CDYL2: variants seen among roughly 807,000 people sequenced by gnomAD.
CDYL2 encodes the protein chromodomain Y like 2, also known as chromodomain Y-like protein 2.
CDYL2 carries 23 observed loss-of-function variants against 49.4 expected under a neutral mutation model. That is an observed-to-expected ratio of 0.47 (90% CI 0.34 to 0.66). The LOEUF is 0.66. Ranked by LOEUF, CDYL2 falls within the 30% of genes least tolerant of loss-of-function variation. The probability of loss-of-function intolerance (pLI) is 0.01; values close to 1 mark genes in which losing one functional copy is unlikely to be tolerated. For missense variants in CDYL2, 678 were observed against 656.4 expected (o/e 1.03, Z -0.36); for synonymous variants, 360 against 268.8 (o/e 1.34, Z -3.32).
At chr16:80,659,958 G>C (rs1480172770) in intron 2 of CDYL2, among the ~76,000 whole-genome samples, 1 of 151,724 alleles carries the variant, frequency 6.6e-6, no homozygotes, top group Non-Finnish European at 1.5e-5. Context: ...TTAAAAAAAA[G>C]CATAGACAGA....
chr16:80,734,861 C>A (rs899435830), intron 1 of CDYL2, among the ~76,000 whole-genome samples: 3 of 152,130 alleles, frequency 2.0e-5, no homozygotes, highest in African/African-American at 7.2e-5. Context: ...CATAATGGAC[C>A]TGCCACCACG....
At chr16:80,727,462 C>G (rs866203259) in intron 1 of CDYL2, among the ~76,000 whole-genome samples, 5 of 152,204 alleles carry the variant, frequency 3.3e-5, no homozygotes, top group South Asian at 2.1e-4. Context: ...CACGGAGTCT[C>G]GCTGATTGCT....
chr16:80,683,095 C>A (rs1567569420), intron 2 of CDYL2, among the ~76,000 whole-genome samples: 1 of 152,208 alleles, frequency 6.6e-6, no homozygotes, highest in African/African-American at 2.4e-5. Flanking sequence ...CATCGTCACA[C>A]TGAAGTGTGT....
At chr16:80,630,687 G>C (rs1276474694) in intron 3 of CDYL2, among the ~76,000 whole-genome samples, 1 of 151,960 alleles carries the variant, frequency 6.6e-6, no homozygotes, top group Non-Finnish European at 1.5e-5. Context: ...TCAGAGAAGG[G>C]GCAGCACACA....
chr16:80,782,030 A>C (rs1907286055), intron 1 of CDYL2, among the ~76,000 whole-genome samples: 1 of 152,010 alleles, frequency 6.6e-6, no homozygotes, highest in South Asian at 2.1e-4. Context: ...TGTAGAAAGA[A>C]GTAAATAATA....
chr16:80,620,069 C>A (rs1231848645), intron 4 of CDYL2, among the ~76,000 whole-genome samples: 1 of 152,284 alleles, frequency 6.6e-6, no homozygotes, highest in African/African-American at 2.4e-5. Context: ...CAGCAGCACC[C>A]GCCAGGTGAA....
At chr16:80,692,415 GGAA>G (rs771301904) in intron 1 of CDYL2, among the ~76,000 whole-genome samples, 3 of 152,206 alleles carry the variant, frequency 2.0e-5, no homozygotes, top group East Asian at 3.9e-4. Flanking sequence ...TGAGAACGGG[GGAA>G]GAAGATAACT....
intron 1 of CDYL2, among the ~76,000 whole-genome samples, chr16:80,797,013 C>T (rs1907786746): frequency 6.6e-6 from 1 of 152,018 alleles, no homozygotes; most frequent in Admixed American, 6.5e-5. Context: ...TTTTTTTCTA[C>T]CTCTCTTGCT....
At chr16:80,683,180 G>A (rs1183846978) in intron 2 of CDYL2, among the ~76,000 whole-genome samples, 3 of 152,170 alleles carry the variant, frequency 2.0e-5, no homozygotes, top group African/African-American at 7.2e-5. Context: ...GTCTCCACAC[G>A]CACCCTGGTT....
At chr16:80,669,063 G>T in intron 2 of CDYL2, among the ~76,000 whole-genome samples, 1 of 151,874 alleles carries the variant, frequency 6.6e-6, no homozygotes, top group East Asian at 1.9e-4. Flanking sequence ...AACATTTTAG[G>T]GACCTAGATA....
intron 2 of CDYL2, among the ~76,000 whole-genome samples, chr16:80,672,953 T>C (rs910256798): frequency 6.6e-6 from 1 of 152,202 alleles, no homozygotes. Flanking sequence ...AACTGTCGTA[T>C]AGAAATGCAT....
At chr16:80,730,025 C>T (rs1001290923) in intron 1 of CDYL2, among the ~76,000 whole-genome samples, 70 of 152,218 alleles carry the variant, frequency 4.6e-4, no homozygotes, top group Non-Finnish European at 8.4e-4. Context: ...GACACCCTAA[C>T]ATCACAATTA....
Position 80,633,115 on chromosome 16 carries a change from G to C in CDYL2, c.738C>G (p.Asn246Lys). ...GCACAACGATGTCTCGAAACCGACAGTTGCTTTCATTCTGGCGGACACTGT... is the reference window on the plus strand; with the variant it reads ...GCACAACGATGTCTCGAAACCGACACTTGCTTTCATTCTGGCGGACACTGT... ...LRYSVRQNESNCRFRDIVVRK... is the reference protein window; with the variant it reads ...LRYSVRQNESKCRFRDIVVRK... The change falls in exon 3 of 7, where the codon AAC (asparagine) becomes AAG (lysine). Residue 246 changes from asparagine (N) to lysine (K), a missense_variant. Transcript: ENST00000570137. The C allele has an allele frequency of 2.5e-6, 4 of 1,614,190 alleles. No homozygotes were observed. Among genetic ancestry groups the C allele is most frequent in the Non-Finnish European group, 3.4e-6 (4 of 1,180,022 alleles).
chr16:80,760,457 T>C (rs1396675549), intron 1 of CDYL2, among the ~76,000 whole-genome samples: 1 of 152,192 alleles, frequency 6.6e-6, no homozygotes, highest in Non-Finnish European at 1.5e-5. Flanking sequence ...AATAACGTAA[T>C]TGTACATTTT....
intron 1 of CDYL2, among the ~76,000 whole-genome samples, chr16:80,748,506 TAAAAAAAAAAAAAAAAAAAA>T (rs538432449): frequency 7.3e-4 from 14 of 19,110 alleles, no homozygotes; most frequent in African/African-American, 1.4e-3. Flanking sequence ...AAAACTCCAT[TAAAAAAAAAAAAAAAAAAAA>T]AAAAAAAAAA....
At chr16:80,755,240 T>A (rs1906270555) in intron 1 of CDYL2, among the ~76,000 whole-genome samples, 1 of 152,196 alleles carries the variant, frequency 6.6e-6, no homozygotes, top group South Asian at 2.1e-4. Flanking sequence ...TAAGAGGCTG[T>A]GTTTGGAGAA....
chr16:80,727,075 GA>G (rs575584553), intron 1 of CDYL2, among the ~76,000 whole-genome samples: 1 of 151,924 alleles, frequency 6.6e-6, no homozygotes, highest in African/African-American at 2.4e-5. Context: ...ATCTCAAAAA[GA>G]AAAAAAAGTT....
At chr16:80,630,287 G>C (rs776011950) in intron 3 of CDYL2, among the ~76,000 whole-genome samples, 1 of 152,234 alleles carries the variant, frequency 6.6e-6, no homozygotes, top group Non-Finnish European at 1.5e-5. Flanking sequence ...AGCTCAGGAG[G>C]TGAGAACCTG....
chr16:80,651,232 C>T (rs1476123101), intron 2 of CDYL2, among the ~76,000 whole-genome samples: 1 of 152,062 alleles, frequency 6.6e-6, no homozygotes, highest in African/African-American at 2.4e-5. Context: ...CATTTATATA[C>T]CTACTATGTA....
Sources: gnomAD v4.1 joint callset for allele counts (sites outside exome capture counted in the v4.1 genomes callset) on GRCh38, gnomAD v4.1.1 for gene constraint, MANE v1.5 for transcripts, NCBI Gene and HGNC (gene_info 2026-07-23, HGNC 2026-07-21) for gene names.